Variants in SPOCK3 observed in about 807,000 individuals in gnomAD.
The protein encoded by SPOCK3 is SPARC (osteonectin), cwcv and kazal like domains proteoglycan 3.
A neutral mutation model predicts 56.6 loss-of-function variants in SPOCK3; 30 were observed. The ratio of observed to expected loss-of-function variants is 0.53; its 90% CI spans 0.40 to 0.72. The LOEUF (loss-of-function observed/expected upper bound fraction) is 0.72, where lower values mean the gene tolerates loss of function less well. Among genes scored for constraint, SPOCK3 ranks in the 30% least tolerant of loss-of-function variants. The probability of loss-of-function intolerance (pLI) is 0.00; values close to 1 mark genes in which losing one functional copy is unlikely to be tolerated. For synonymous variants in SPOCK3, 196 were observed against 183.3 expected (o/e 1.07, Z -0.56); for missense variants, 527 against 530.0 (o/e 0.99, Z 0.06).
At chr4:167,174,436 G>GAA (rs397996153) in intron 2 of SPOCK3, among the ~76,000 whole-genome samples, 8,068 of 144,586 alleles carry the variant, frequency 0.056, 238 homozygotes, top group Admixed American at 0.083. Flanking sequence ...CTAAAATTTT[G>GAA]AAAAAAAAAA....
intron 3 of SPOCK3, among the ~76,000 whole-genome samples, chr4:167,005,983 T>C (rs1028391921): frequency 5.9e-5 from 9 of 152,212 alleles, no homozygotes; most frequent in African/African-American, 1.9e-4. Flanking sequence ...ACAAATCATA[T>C]TGATTTTTTA....
At chr4:167,160,968 C>T (rs1032011353) in intron 2 of SPOCK3, among the ~76,000 whole-genome samples, 28 of 152,226 alleles carry the variant, frequency 1.8e-4, no homozygotes, top group African/African-American at 6.5e-4. Context: ...CAATACCATT[C>T]AGGACATAGG....
At chr4:166,766,598 T>C (rs1738094480) in intron 7 of SPOCK3, among the ~76,000 whole-genome samples, 11 of 152,330 alleles carry the variant, frequency 7.2e-5, no homozygotes, top group Non-Finnish European at 1.5e-4. Context: ...GCCAGTATCT[T>C]ATTGAGGATT....
chr4:167,180,562 G>A (rs1731371295), intron 2 of SPOCK3, among the ~76,000 whole-genome samples: 1 of 152,142 alleles, frequency 6.6e-6, no homozygotes, highest in Non-Finnish European at 1.5e-5. Flanking sequence ...AAGAAATACT[G>A]AGGTCTATAA....
At chr4:167,141,986 A>G (rs1580417820) in intron 2 of SPOCK3, among the ~76,000 whole-genome samples, 3 of 152,062 alleles carry the variant, frequency 2.0e-5, no homozygotes, top group African/African-American at 7.2e-5. Flanking sequence ...CTCAACAGCA[A>G]CACTGGAAGG....
intron 6 of SPOCK3, among the ~76,000 whole-genome samples, chr4:166,833,509 G>A (rs1170999844): frequency 2.6e-5 from 4 of 152,044 alleles, no homozygotes; most frequent in African/African-American, 9.7e-5. Context: ...TTTGGTTCGT[G>A]TGCATTAAAA....
At chr4:167,108,837 A>G (rs1459855973) in intron 2 of SPOCK3, among the ~76,000 whole-genome samples, 1 of 148,696 alleles carries the variant, frequency 6.7e-6, no homozygotes, top group East Asian at 2.0e-4. Context: ...CAAAGGATAC[A>G]TGTTTGAGGT....
At chr4:167,210,037 A>G (rs1372517960) in intron 2 of SPOCK3, among the ~76,000 whole-genome samples, 1 of 152,174 alleles carries the variant, frequency 6.6e-6, no homozygotes, top group Non-Finnish European at 1.5e-5. Flanking sequence ...CAATTGTAGG[A>G]GCACTCCTTT....
At chr4:167,129,531 G>A (rs1465049799) in intron 2 of SPOCK3, among the ~76,000 whole-genome samples, 1 of 151,342 alleles carries the variant, frequency 6.6e-6, no homozygotes, top group Non-Finnish European at 1.5e-5. Context: ...TATACTTTTG[G>A]TCTATTCCTT....
chr4:167,224,372 A>T (rs17053109), intron 2 of SPOCK3, among the ~76,000 whole-genome samples: 19,035 of 152,148 alleles, frequency 0.13, 1,417 homozygotes, highest in East Asian at 0.2. Flanking sequence ...AAAAATGTAG[A>T]TAAAGATGTG....
intron 2 of SPOCK3, among the ~76,000 whole-genome samples, chr4:167,155,262 C>G (rs1764722044): frequency 6.6e-6 from 1 of 151,824 alleles, no homozygotes; most frequent in Admixed American, 6.6e-5. Context: ...ATTACAGGCA[C>G]TCCGCCACCA....
At chr4:166,742,775 A>G (rs977875977) in intron 8 of SPOCK3, among the ~76,000 whole-genome samples, 2 of 152,162 alleles carry the variant, frequency 1.3e-5, no homozygotes, top group Admixed American at 1.3e-4. Context: ...CCTATTTTCA[A>G]ACTCAACCAC....
At chr4:166,950,509 A>C (rs556624896) in intron 4 of SPOCK3, among the ~76,000 whole-genome samples, 22 of 152,112 alleles carry the variant, frequency 1.4e-4, no homozygotes, top group African/African-American at 4.1e-4. Context: ...CCCCGCTGTC[A>C]ACATTAGACA....
intron 2 of SPOCK3, among the ~76,000 whole-genome samples, chr4:167,142,426 CAA>C (rs971668740): frequency 9.9e-5 from 15 of 150,778 alleles, no homozygotes; most frequent in African/African-American, 3.7e-4. Flanking sequence ...AGTAGTAAAT[CAA>C]AAAAGAGGCA....
intron 4 of SPOCK3, among the ~76,000 whole-genome samples, chr4:166,921,909 G>A (rs1738533855): frequency 6.6e-6 from 1 of 152,030 alleles, no homozygotes; most frequent in African/African-American, 2.4e-5. Context: ...ATACTGTTTA[G>A]TTATTTGCTC....
intron 7 of SPOCK3, among the ~76,000 whole-genome samples, chr4:166,763,734 G>T (rs1737563652): frequency 6.6e-6 from 1 of 152,040 alleles, no homozygotes; most frequent in South Asian, 2.1e-4. Flanking sequence ...AAGGTACATT[G>T]TGATAAGTTA....
intron 3 of SPOCK3, among the ~76,000 whole-genome samples, chr4:167,048,476 C>T (rs1300119014): frequency 6.6e-6 from 1 of 152,032 alleles, no homozygotes; most frequent in Non-Finnish European, 1.5e-5. Context: ...GATAGGAAAA[C>T]TAGAAGATCC....
intron 2 of SPOCK3, among the ~76,000 whole-genome samples, chr4:167,169,998 G>T (rs1261558124): frequency 6.6e-6 from 1 of 152,128 alleles, no homozygotes; most frequent in Non-Finnish European, 1.5e-5. Context: ...GGCCTCTTCA[G>T]CCATGTGGGA....
chr4:166,755,695 A>G (rs57067289), intron 7 of SPOCK3, among the ~76,000 whole-genome samples: 38,332 of 151,928 alleles, frequency 0.25, 5,705 homozygotes, highest in African/African-American at 0.41. Flanking sequence ...CAGTATCAAA[A>G]AGATGTAATC....
Sources: allele counts gnomAD v4.1 joint callset (sites outside exome capture counted in the v4.1 genomes callset), GRCh38; gene constraint gnomAD v4.1.1; transcripts MANE v1.5; gene names NCBI Gene and HGNC (gene_info 2026-07-23, HGNC 2026-07-21).